The following PACRG variants were observed in gnomAD, a reference collection of about 807,000 sequenced individuals.
PACRG encodes parkin coregulated, also known as parkin coregulated gene protein.
PACRG carries 29 observed loss-of-function variants against 29.7 expected under a neutral mutation model. That is an observed-to-expected ratio of 0.98 (90% confidence interval 0.73 to 1.33). The LOEUF is 1.33. PACRG is among the 40% of genes most tolerant of loss of function. The pLI, the probability that PACRG is intolerant of heterozygous loss-of-function variation, is 0.00. For synonymous variants in PACRG, 116 were observed against 118.7 expected (o/e 0.98, Z 0.15); for missense variants, 279 against 316.2 (o/e 0.88, Z 0.89).
At chr6:163,197,789 T>G (rs140064982) in intron 4 of PACRG, among the ~76,000 whole-genome samples, 179 of 152,222 alleles carry the variant, frequency 1.2e-3, no homozygotes, top group African/African-American at 3.8e-3. Flanking sequence ...CTCTTTACCT[T>G]CCATTTTAAG....
At chr6:162,882,657 C>T (rs778146783) in intron 2 of PACRG, among the ~76,000 whole-genome samples, 4 of 152,138 alleles carry the variant, frequency 2.6e-5, no homozygotes, top group Non-Finnish European at 2.9e-5. Flanking sequence ...TGATGAGACT[C>T]GACTCTGAAC....
intron 3 of PACRG, among the ~76,000 whole-genome samples, chr6:163,076,009 T>C (rs1168885661): frequency 1.3e-5 from 2 of 152,214 alleles, no homozygotes; most frequent in East Asian, 3.9e-4. Flanking sequence ...ATTTCACTTC[T>C]ATTCACTATT....
chr6:162,975,163 G>A lies in PACRG; in HGVS notation c.292-86987G>A, dbSNP rs186518900. ...CAAGGTATCCAGACAGGAAGTCCAT[G>A]TTGGCTGAGAGGCTGAAAATACATA... On this transcript the variant is annotated intron_variant, in intron 2 of 4. Coordinates refer to ENST00000366888, the MANE Select transcript of PACRG (RefSeq NM_001080379.2). Among the ~76,000 whole-genome samples, 18 of 152,304 alleles carry A rather than the reference G, an allele frequency of 1.2e-4. No homozygotes were observed. The East Asian group carries it at 3.3e-3, about 28-fold the overall frequency.
At chr6:163,199,395 T>C (rs1301966706) in intron 4 of PACRG, among the ~76,000 whole-genome samples, 1 of 152,198 alleles carries the variant, frequency 6.6e-6, no homozygotes, top group African/African-American at 2.4e-5. Flanking sequence ...TGTCAGCCGC[T>C]GTTCCAAGTG....
At chr6:163,261,855 G>A (rs773306115) in intron 4 of PACRG, among the ~76,000 whole-genome samples, 3 of 152,150 alleles carry the variant, frequency 2.0e-5, no homozygotes, top group Admixed American at 6.5e-5. Context: ...GGGGTTATAC[G>A]CAAATACTGC....
chr6:162,948,426 A>T (rs1799407648), intron 2 of PACRG, among the ~76,000 whole-genome samples: 1 of 152,110 alleles, frequency 6.6e-6, no homozygotes, highest in South Asian at 2.1e-4. Flanking sequence ...TAAGACCTGA[A>T]ACTAAAAACT....
At chr6:163,163,869 A>C (rs1214971721) in intron 4 of PACRG, among the ~76,000 whole-genome samples, 1 of 152,096 alleles carries the variant, frequency 6.6e-6, no homozygotes, top group East Asian at 1.9e-4. Context: ...TTTCAAAGGG[A>C]AAAAGAATTT....
chr6:163,288,226 T>A (rs1370641747), intron 4 of PACRG, among the ~76,000 whole-genome samples: 1 of 152,212 alleles, frequency 6.6e-6, no homozygotes, highest in Non-Finnish European at 1.5e-5. Flanking sequence ...ACCTTCAGAG[T>A]TATCTTGAGC....
rs1384298355 is a variant in PACRG, at chr6:163,315,161, C to CATAA, written c.*178_*181dup. ...CTATTGAGAGCAAGGCTTTCCAATA[C>CATAA]ATAAATAGTGTCTGTTTCTTAGATT... On this transcript the variant is annotated 3_prime_UTR_variant, in exon 5 of 5. Transcript: ENST00000366888. The CATAA allele has an allele frequency of 4.6e-6, 3 of 656,618 alleles. No homozygotes were observed. The highest frequency in any genetic ancestry group is 7.6e-6 in the Non-Finnish European group (3 of 395,882). The allele number at this position is 656,618 out of a possible 1,614,324, so 40.7% of individuals were successfully genotyped here. A position where few individuals can be genotyped will look rare whatever the true frequency, so the allele number is the denominator to read the frequency against.
rs1305990057 is a variant in PACRG at position 162,777,372 on chromosome 6, C to T, written c.157-36775C>T. On this transcript the variant is annotated intron_variant, in intron 1 of 4. Transcript: ENST00000366888. The surrounding 1 kb of genome is among the most constrained non-coding windows in gnomAD (Gnocchi z 4.0). ...GTAGGCCATGTGGGCACACACTCAG[C>T]TTATTGATAACATCCCTCAGACACT... 2.0e-5 allele frequency among the ~76,000 whole-genome samples: 3 copies of T among 152,204 alleles called. No individual in the cohort carries two copies. The highest frequency in any genetic ancestry group is 7.2e-5 in the African/African-American group (3 of 41,458).
intron 4 of PACRG, among the ~76,000 whole-genome samples, chr6:163,126,536 C>G (rs917031510): frequency 1.3e-5 from 2 of 152,224 alleles, no homozygotes; most frequent in Non-Finnish European, 2.9e-5. Context: ...CAATAATTCT[C>G]TCTGTCTCTC....
intron 4 of PACRG, among the ~76,000 whole-genome samples, chr6:163,281,391 T>C (rs1330286597): frequency 2.6e-5 from 4 of 152,036 alleles, no homozygotes; most frequent in Admixed American, 2.6e-4. Context: ...CTGCATGGGA[T>C]GGAAGTGGGG....
intron 2 of PACRG, among the ~76,000 whole-genome samples, chr6:163,018,881 A>T (rs1288465057): frequency 6.6e-6 from 1 of 152,042 alleles, no homozygotes; most frequent in African/African-American, 2.4e-5. Context: ...TCTCTAAAAC[A>T]CTTCATCACT....
intron 2 of PACRG, among the ~76,000 whole-genome samples, chr6:163,033,198 T>C (rs1471381492): frequency 6.6e-6 from 1 of 152,246 alleles, no homozygotes; most frequent in Non-Finnish European, 1.5e-5. Flanking sequence ...TGTTATCCTG[T>C]TAACTCTTAG....
intron 2 of PACRG, among the ~76,000 whole-genome samples, chr6:162,897,871 T>A (rs914436041): frequency 6.6e-6 from 1 of 152,178 alleles, no homozygotes; most frequent in Non-Finnish European, 1.5e-5. Context: ...AGGCTGGTGC[T>A]TCTGCGGGAG....
intron 1 of PACRG, among the ~76,000 whole-genome samples, chr6:162,759,325 T>G (rs187293937): frequency 7.9e-5 from 12 of 152,296 alleles, no homozygotes; most frequent in Admixed American, 7.2e-4. Flanking sequence ...GCTAGAATTT[T>G]GGCATCTGAA....
chr6:162,814,062 A>T lies in PACRG; in HGVS notation c.157-85A>T. On this transcript the variant is annotated intron_variant, in intron 1 of 4. Transcript: ENST00000366888. ...TTCCAACATATTTATACAAACTGAA[A>T]TCTTTAAAAACAGAAAGTTCTTTTA... is the stretch of plus-strand genomic sequence containing the variant. The T allele has an allele frequency of 2.2e-6, 3 of 1,386,532 alleles. No individual in the cohort carries two copies. The South Asian group carries it at 4.6e-5, about 21-fold the overall frequency. The allele number at this position is 1,386,532 out of a possible 1,614,324, so 85.9% of individuals were successfully genotyped here. A position where few individuals can be genotyped will look rare whatever the true frequency, so the allele number is the denominator to read the frequency against.
At chr6:162,886,895 T>C (rs917572085) in intron 2 of PACRG, among the ~76,000 whole-genome samples, 4 of 152,106 alleles carry the variant, frequency 2.6e-5, no homozygotes, top group Non-Finnish European at 4.4e-5. Context: ...ATTATGCAAC[T>C]CCAGTTATTA....
chr6:163,051,557 C>G (rs1407030831), intron 2 of PACRG: 1 of 152,038 alleles, frequency 6.6e-6, no homozygotes, highest in East Asian at 1.9e-4. Context: ...TTGTCAAACA[C>G]CAGGCTGTCT....
Sources: gnomAD v4.1 joint callset for allele counts (sites outside exome capture counted in the v4.1 genomes callset) on GRCh38, gnomAD v4.1.1 for gene constraint, Gnocchi (gnomAD v3.1) non-coding constraint, MANE v1.5 for transcripts, NCBI Gene and HGNC (gene_info 2026-07-23, HGNC 2026-07-21) for gene names.